Variants in CAMKMT observed in about 807,000 individuals in gnomAD.
CAMKMT encodes calmodulin-lysine N-methyltransferase.
In CAMKMT, 53 loss-of-function variants were observed where a neutral mutation model predicts 48.0. The observed-to-expected ratio is 1.10, with a 90% confidence interval of 0.89 to 1.39. The LOEUF (loss-of-function observed/expected upper bound fraction) is 1.39. CAMKMT is among the 40% of genes most tolerant of loss of function. CAMKMT has a pLI of 0.00. For synonymous variants in CAMKMT, 165 were observed against 152.3 expected (o/e 1.08, Z -0.61); for missense variants, 428 against 402.7 (o/e 1.06, Z -0.54).
chr2:44,602,064 G>C (rs1242625740), intron 3 of CAMKMT, among the ~76,000 whole-genome samples: 1 of 151,850 alleles, frequency 6.6e-6, no homozygotes. Flanking sequence ...GGAGTGTAGT[G>C]GTGCCATCTC....
intron 3 of CAMKMT, among the ~76,000 whole-genome samples, chr2:44,651,255 A>G (rs1674045951): frequency 6.6e-6 from 1 of 152,248 alleles, no homozygotes; most frequent in Non-Finnish European, 1.5e-5. Flanking sequence ...TAATAAAGTG[A>G]AAACTTGGGA....
intron 3 of CAMKMT, among the ~76,000 whole-genome samples, chr2:44,428,946 T>C (rs1684459472): frequency 6.6e-6 from 1 of 152,296 alleles, no homozygotes; most frequent in South Asian, 2.1e-4. Flanking sequence ...AGAAGTTATT[T>C]TGCCTTTTCC....
intron 3 of CAMKMT, among the ~76,000 whole-genome samples, chr2:44,542,168 G>A (rs1364206602): frequency 1.3e-5 from 2 of 151,116 alleles, no homozygotes; most frequent in Non-Finnish European, 2.9e-5. Context: ...GTCTCTAACA[G>A]TATAGTCAGC....
At chr2:44,473,333 C>G (rs1463439406) in intron 3 of CAMKMT, among the ~76,000 whole-genome samples, 2 of 152,088 alleles carry the variant, frequency 1.3e-5, no homozygotes, top group Non-Finnish European at 1.5e-5. Context: ...AAAATGTTAA[C>G]AATCTATGTT....
At chr2:44,527,597 C>G (rs1666218306) in intron 3 of CAMKMT, among the ~76,000 whole-genome samples, 1 of 151,150 alleles carries the variant, frequency 6.6e-6, no homozygotes, top group South Asian at 2.1e-4. Flanking sequence ...AAGATTTACT[C>G]ACTGAGACAA....
At chr2:44,560,008 A>T (rs1396727050) in intron 3 of CAMKMT, among the ~76,000 whole-genome samples, 1 of 152,210 alleles carries the variant, frequency 6.6e-6, no homozygotes, top group Non-Finnish European at 1.5e-5. Context: ...AAGTCAATTC[A>T]AGTTTTTATT....
At chr2:44,663,073 C>T (rs191754014) in intron 3 of CAMKMT, among the ~76,000 whole-genome samples, 2 of 152,076 alleles carry the variant, frequency 1.3e-5, no homozygotes, top group East Asian at 3.9e-4. Flanking sequence ...TTTATTTTTA[C>T]CAAGAATAAG....
At chr2:44,549,655 C>T (rs914067321) in intron 3 of CAMKMT, 25 of 591,090 alleles carry the variant, frequency 4.2e-5, no homozygotes, top group African/African-American at 1.3e-4. Flanking sequence ...AGAAACACTT[C>T]GTGGCAGAAG....
intron 3 of CAMKMT, among the ~76,000 whole-genome samples, chr2:44,438,268 A>G (rs553975768): frequency 5.9e-5 from 9 of 152,344 alleles, no homozygotes; most frequent in Admixed American, 1.3e-4. Flanking sequence ...TCTTCCTACT[A>G]TTAAATTCAA....
intron 3 of CAMKMT, among the ~76,000 whole-genome samples, chr2:44,563,117 A>G (rs1668412335): frequency 6.8e-6 from 1 of 146,496 alleles, no homozygotes; most frequent in Non-Finnish European, 1.5e-5. Context: ...AAAACTTACA[A>G]GGTTTACTTT....
chr2:44,633,431 C>T (rs1303693665), intron 3 of CAMKMT, among the ~76,000 whole-genome samples: 1 of 152,156 alleles, frequency 6.6e-6, no homozygotes, highest in Non-Finnish European at 1.5e-5. Context: ...TTCAATATGT[C>T]ACTGAGGCTC....
intron 3 of CAMKMT, among the ~76,000 whole-genome samples, chr2:44,678,084 AAACT>A (rs1675816162): frequency 6.6e-6 from 1 of 152,194 alleles, no homozygotes; most frequent in East Asian, 1.9e-4. Context: ...TATGAATCCT[AAACT>A]AACTGTGTTC....
chr2:44,544,143 T>G (rs1667270313), intron 3 of CAMKMT, among the ~76,000 whole-genome samples: 1 of 151,976 alleles, frequency 6.6e-6, no homozygotes, highest in Admixed American at 6.6e-5. Flanking sequence ...ACATTTAAAT[T>G]TTGGTATTAT....
chr2:44,371,462 T>G (rs1679174039), intron 1 of CAMKMT, among the ~76,000 whole-genome samples: 1 of 152,244 alleles, frequency 6.6e-6, no homozygotes, highest in Non-Finnish European at 1.5e-5. Flanking sequence ...ACAGGTTATT[T>G]ATAAGTACAT....
At chr2:44,439,931 T>G (rs1021180065) in intron 3 of CAMKMT, among the ~76,000 whole-genome samples, 2 of 152,100 alleles carry the variant, frequency 1.3e-5, no homozygotes, top group African/African-American at 4.8e-5. Context: ...ACAGAGTTAC[T>G]GAATGAAACC....
intron 1 of CAMKMT, among the ~76,000 whole-genome samples, chr2:44,362,578 T>C (rs1445003577): frequency 6.6e-6 from 1 of 152,172 alleles, no homozygotes; most frequent in Non-Finnish European, 1.5e-5. Context: ...TGGCCCCGTC[T>C]TTTGCCCAGC....
intron 3 of CAMKMT, among the ~76,000 whole-genome samples, chr2:44,551,396 C>T (rs575498529): frequency 2.6e-5 from 4 of 152,126 alleles, no homozygotes; most frequent in Non-Finnish European, 4.4e-5. Flanking sequence ...GGGAATTGTG[C>T]GTGTTGCCCT....
At chr2:44,615,822 C>A (rs6745785) in intron 3 of CAMKMT, among the ~76,000 whole-genome samples, 135,095 of 152,150 alleles carry the variant, frequency 0.89, 60,547 homozygotes, top group African/African-American at 0.98. Flanking sequence ...TTTTAGTGGG[C>A]TCTGAAAGAT....
intron 3 of CAMKMT, among the ~76,000 whole-genome samples, chr2:44,444,405 A>G (rs1666857634): frequency 6.6e-6 from 1 of 152,186 alleles, no homozygotes; most frequent in Non-Finnish European, 1.5e-5. Context: ...TGAGCTTTTG[A>G]TAGGCATACC....
Sources: gnomAD v4.1 joint callset for allele counts (sites outside exome capture counted in the v4.1 genomes callset) on GRCh38, gnomAD v4.1.1 for gene constraint, MANE v1.5 for transcripts, NCBI Gene and HGNC (gene_info 2026-07-23, HGNC 2026-07-21) for gene names.